Variants in ACACA observed in about 807,000 individuals in gnomAD.
ACACA encodes acetyl-CoA carboxylase alpha, also known as acetyl-CoA carboxylase 1.
A neutral mutation model predicts 296.1 loss-of-function variants in ACACA; 103 were observed. The observed-to-expected ratio is 0.35, with a 90% CI of 0.30 to 0.41. The LOEUF (loss-of-function observed/expected upper bound fraction) is 0.41. Among genes scored for constraint, ACACA ranks in the 10% least tolerant of loss-of-function variants. The probability of loss-of-function intolerance (pLI) is 1.00; values close to 1 mark genes in which losing one functional copy is unlikely to be tolerated. For missense variants in ACACA, 1,554 were observed against 2,989.7 expected, an observed-to-expected ratio of 0.52 and a Z score of 11.20; for synonymous variants, 953 against 1,038.6, an observed-to-expected ratio of 0.92 and a Z score of 1.58.
At chr17:37,141,195 G>A in intron 45 of ACACA, 1 of 555,726 alleles carries the variant, frequency 1.8e-6, no homozygotes, top group Non-Finnish European at 3.5e-6. Flanking sequence ...CCACGAAAAA[G>A]TTAGTGATCT....
intron 52 of ACACA, among the ~76,000 whole-genome samples, chr17:37,098,618 G>T (rs2073135466): frequency 6.6e-6 from 1 of 152,228 alleles, no homozygotes; most frequent in African/African-American, 2.4e-5. Context: ...CTCACATCTT[G>T]TGTCAGCTCA....
At chr17:37,143,567 A>T (rs189315596) in intron 45 of ACACA, 23 of 613,992 alleles carry the variant, frequency 3.7e-5, no homozygotes, top group East Asian at 7.7e-5. Flanking sequence ...CATACAGTTT[A>T]AAAAAATTCT....
chr17:37,216,384 T>A (rs1262830422), intron 29 of ACACA, among the ~76,000 whole-genome samples: 1 of 151,922 alleles, frequency 6.6e-6, no homozygotes, highest in Non-Finnish European at 1.5e-5. Context: ...GCCAAATAAG[T>A]TGGAACTACA....
intron 10 of ACACA, among the ~76,000 whole-genome samples, chr17:37,268,737 CTATCTA>C (rs1336188209): frequency 3.0e-4 from 21 of 70,930 alleles, no homozygotes; most frequent in East Asian, 7.7e-4. Context: ...ATCTATCTAT[CTATCTA>C]TATATATATA....
chr17:37,316,428 C>T (rs565609478), intron 3 of ACACA, among the ~76,000 whole-genome samples: 1 of 152,054 alleles, frequency 6.6e-6, no homozygotes, highest in South Asian at 2.1e-4. Context: ...ACTCATTGAG[C>T]CCACCATAAT....
chr17:37,390,165 T>C (rs1290952138), intron 1 of ACACA, among the ~76,000 whole-genome samples: 13,473 of 56,610 alleles, frequency 0.24, 2,457 homozygotes, highest in East Asian at 0.77. Context: ...TATATATATA[T>C]ATATATATAT....
chr17:37,180,120 T>C (rs2077263711), intron 40 of ACACA, among the ~76,000 whole-genome samples: 1 of 152,240 alleles, frequency 6.6e-6, no homozygotes, highest in African/African-American at 2.4e-5. Flanking sequence ...TACATACCTA[T>C]GTGTCCTAAT....
chr17:37,139,098 T>C (rs1193825181), intron 45 of ACACA, among the ~76,000 whole-genome samples: 5 of 152,128 alleles, frequency 3.3e-5, no homozygotes, highest in African/African-American at 7.2e-5. Context: ...TGAGCACTGA[T>C]CTGCAAAGAC....
chr17:37,240,448 G>A (rs759955504), intron 24 of ACACA, 28 bp downstream of exon 24: 1 of 1,603,856 alleles, frequency 6.2e-7, no homozygotes, highest in Non-Finnish European at 8.5e-7. Context: ...GGCTTTCTTA[G>A]CTAGAGAGTC....
rs2051522048 is a variant in ACACA, at chr17:37,406,605, G to C, written c.-306C>G. The stretch of plus-strand genomic sequence containing the variant: ...GGCCCGCCTCACCGCACTCCGGAGG[G>C]GACCAAACAGCCCCACGCGCCAGGA... On this transcript the variant is annotated 5_prime_UTR_variant, in exon 1 of 56. Transcript: ENST00000616317. 1 of 550,848 alleles carries C rather than the reference G, an allele frequency of 1.8e-6. No individual in the cohort carries two copies. The highest frequency in any genetic ancestry group is 3.3e-6 in the Non-Finnish European group (1 of 306,968). The allele number at this position is 550,848 out of a possible 1,614,324, so 34.1% of individuals were successfully genotyped here.
chr17:37,143,845 A>C (rs976772720), intron 45 of ACACA: 1 of 1,509,672 alleles, frequency 6.6e-7, no homozygotes, highest in African/African-American at 1.4e-5. Context: ...TTTTTCCTTC[A>C]GCTTCGCAGC....
intron 1 of ACACA, among the ~76,000 whole-genome samples, chr17:37,376,908 C>G (rs116005834): frequency 1.3e-5 from 2 of 151,990 alleles, no homozygotes; most frequent in Non-Finnish European, 2.9e-5. Flanking sequence ...GAGCTGAGAT[C>G]GTACCACTGA....
intron 54 of ACACA, among the ~76,000 whole-genome samples, chr17:37,094,878 C>T (rs1211598022): frequency 6.6e-6 from 1 of 152,268 alleles, no homozygotes; most frequent in Non-Finnish European, 1.5e-5. Context: ...CTCAGCATGG[C>T]TGCCCCCAGT....
At chr17:37,201,518 T>C (rs2078248406) in intron 33 of ACACA, among the ~76,000 whole-genome samples, 1 of 144,848 alleles carries the variant, frequency 6.9e-6, no homozygotes, top group African/African-American at 2.4e-5. Context: ...AAAGCCTTCC[T>C]CTTCCCTATA....
chr17:37,225,624 G>A (rs1243598603), intron 26 of ACACA: 2 of 177,688 alleles, frequency 1.1e-5, no homozygotes, highest in Admixed American at 1.1e-4. Context: ...CAGAGAGAGT[G>A]AAAGCAGTGT....
chr17:37,278,216 T>G (rs1441764545), intron 5 of ACACA, among the ~76,000 whole-genome samples: 1 of 152,224 alleles, frequency 6.6e-6, no homozygotes, highest in Non-Finnish European at 1.5e-5. Context: ...TTAGAAGCTC[T>G]TATAGTAAAA....
intron 29 of ACACA, among the ~76,000 whole-genome samples, chr17:37,216,043 A>C (rs1441055152): frequency 6.6e-6 from 1 of 151,082 alleles, no homozygotes; most frequent in African/African-American, 2.4e-5. Flanking sequence ...AAGTCAGTTA[A>C]AAAATGACAC....
intron 49 of ACACA, among the ~76,000 whole-genome samples, chr17:37,121,928 C>T (rs1358678612): frequency 1.3e-5 from 2 of 152,196 alleles, no homozygotes; most frequent in Non-Finnish European, 2.9e-5. Context: ...CCTCCCTGGC[C>T]TCCCTGACCC....
At chr17:37,242,834 C>T (rs1278689949) in intron 22 of ACACA, among the ~76,000 whole-genome samples, 1 of 152,140 alleles carries the variant, frequency 6.6e-6, no homozygotes, top group Non-Finnish European at 1.5e-5. Context: ...GTCAGGAGAT[C>T]GAGACCATCC....
Sources: allele counts gnomAD v4.1 joint callset (sites outside exome capture counted in the v4.1 genomes callset), GRCh38; gene constraint gnomAD v4.1.1; transcripts MANE v1.5; gene names NCBI Gene and HGNC (gene_info 2026-07-23, HGNC 2026-07-21).